KLHL33: variants seen among roughly 807,000 people sequenced by gnomAD.
KLHL33 encodes kelch-like protein 33.
KLHL33 carries 46 observed loss-of-function variants against 60.8 expected under a neutral mutation model. That is an observed-to-expected ratio of 0.76 (90% CI 0.60 to 0.97). KLHL33 has a LOEUF of 0.97. Ranked by LOEUF, KLHL33 falls within the 50% of genes least tolerant of loss-of-function variation. The pLI, the probability that KLHL33 is intolerant of heterozygous loss-of-function variation, is 0.00. For missense variants in KLHL33, 1,055 were observed against 1,000.0 expected (o/e 1.05, Z -0.74); for synonymous variants, 434 against 432.2 (o/e 1.00, Z -0.05).
Position 20,430,128 on chromosome 14 carries a change from G to A in KLHL33, c.1340C>T (p.Pro447Leu). The change falls in exon 3 of 5, where the codon CCC becomes CTC. Residue 447 changes from proline to leucine, a missense_variant. By Grantham distance (98) the Pro-to-Leu change is moderately conservative. Coordinates refer to ENST00000636854, the MANE Select transcript of KLHL33 (RefSeq NM_001365790.2). ...RRVRAAGLLP[P>L]LTPDLLHQLM... The stretch of plus-strand genomic sequence containing the variant: ...CTGGTGCAACAGATCTGGGGTCAGG[G>A]GTGGAAGTAGCCCGGCTGCCCGCAC... 1 of 1,551,624 alleles carries A rather than the reference G, an allele frequency of 6.4e-7. No individual in the cohort carries two copies. The highest frequency in any genetic ancestry group is 8.7e-7 in the Non-Finnish European group (1 of 1,146,992).
At chr14:20,431,204 G>C (rs1238219980) in intron 2 of KLHL33, among the ~76,000 whole-genome samples, 1 of 152,210 alleles carries the variant, frequency 6.6e-6, no homozygotes, top group East Asian at 1.9e-4. Flanking sequence ...AGCCAAGACT[G>C]TCAGCCATTC....
chr14:20,426,527 T>C lies in KLHL33; in HGVS notation c.*2322A>G, dbSNP rs1483555870. The C allele has an allele frequency of 1.4e-5, 1 of 69,540 alleles. No individual in the cohort carries two copies. The allele number at this position is 69,540 out of a possible 1,614,324, so 4.3% of individuals were successfully genotyped here. A position where few individuals can be genotyped will look rare whatever the true frequency, so the allele number is the denominator to read the frequency against. On this transcript the variant is annotated 3_prime_UTR_variant, in exon 5 of 5. Transcript: ENST00000636854. ...AAAAAAAAAAAAAGAAAAAGAAAATTGACAACAGGTGCTGGAGAGGATGTG... is the reference window on the plus strand; with the variant it reads ...AAAAAAAAAAAAAGAAAAAGAAAATCGACAACAGGTGCTGGAGAGGATGTG...
Position 20,429,508 on chromosome 14 carries a change from A to G in KLHL33, c.1835T>C (p.Val612Ala), listed in dbSNP as rs369968163. Residue 612 changes from valine (V) to alanine (A), a missense_variant, in exon 4 of 5, where the codon GTC becomes GCC. Val to Ala is a moderately conservative substitution (Grantham distance 64). Coordinates refer to ENST00000636854, the MANE Select transcript of KLHL33 (RefSeq NM_001365790.2). ...TGCCCCCTTGCCTGCTTACCTCCAG[A>G]CATTGAGCTCAGGGTTGTAGGTCTC... Reference protein sequence around the residue: ...SVETYNPELNVWRPAPALPAP... With the variant: ...SVETYNPELNAWRPAPALPAP... 1.9e-5 allele frequency: 30 copies of G among 1,552,188 alleles called. No individual in the cohort carries two copies. In the African/African-American group the frequency reaches 3.7e-4, roughly 19 times the overall value.
chr14:20,429,650 CCTCTTGA>C lies in KLHL33; in HGVS notation c.1686_1692del (p.Ser562ArgfsTer74). 6.4e-7 allele frequency: 1 copy of C among 1,551,772 alleles called. No homozygotes were observed. The highest frequency in any genetic ancestry group is 8.7e-7 in the Non-Finnish European group (1 of 1,146,988). ...GACAAAGGAGCCATCTCCTCCCAGT[CCTCTTGA>C]CTGGGCTCCCACCTGGACACAGTAG... On this transcript the variant is annotated frameshift_variant, in exon 4 of 5. Coordinates refer to ENST00000636854, the MANE Select transcript of KLHL33 (RefSeq NM_001365790.2). LOFTEE classifies it high-confidence loss of function.
chr14:20,430,392 C>A lies in KLHL33; in HGVS notation c.1076G>T (p.Arg359Leu). 6.4e-7 allele frequency: 1 copy of A among 1,551,788 alleles called. No individual in the cohort carries two copies. ...AGGCAGGTGGGTGAGGAGGTAGTGA[C>A]GGGCTTTGCTCCAGAGCCTCTCCAA... ...PGLERLWSKA[R>L]HYLLTHLPAV... Residue 359 changes from arginine to leucine, a missense_variant, in exon 3 of 5, where the codon CGT becomes CTT. By Grantham distance (102) the Arg-to-Leu change is moderately radical. Coordinates refer to ENST00000636854, the MANE Select transcript of KLHL33 (RefSeq NM_001365790.2).
At chr14:20,432,934 G>GAAAGAAAGAAAGAA (rs144530207) in intron 2 of KLHL33, among the ~76,000 whole-genome samples, 2 of 143,996 alleles carry the variant, frequency 1.4e-5, no homozygotes, top group South Asian at 4.5e-4. Flanking sequence ...AAAAAAGAAA[G>GAAAGAAAGAAAGAA]AAAGAAAGAA....
intron 2 of KLHL33, among the ~76,000 whole-genome samples, chr14:20,432,398 C>T (rs1283300921): frequency 6.6e-6 from 1 of 151,666 alleles, no homozygotes; most frequent in Non-Finnish European, 1.5e-5. Context: ...CAGGCGTGAG[C>T]CACTATGCCT....
At position 20,429,884 on chromosome 14, in the gene KLHL33, A is replaced by G; in HGVS notation, c.1584T>C (p.His528=). Residue 528 remains histidine, a synonymous_variant, in exon 3 of 5, where the codon CAT becomes CAC. Transcript: ENST00000636854. The stretch of plus-strand genomic sequence containing the variant: ...CACTTCCTGCCAGGCTTGCAGCCCC[A>G]TGCCGGAAGCGTCCGGGGGCAGGCA... The part of the protein sequence containing the change: ...PALPAPGRFR[H]GAASLAGSEL... 1 of 1,552,038 alleles carries G rather than the reference A, an allele frequency of 6.4e-7. No homozygotes were observed. Among genetic ancestry groups the G allele is most frequent in the African/African-American group, 1.4e-5 (1 of 73,178 alleles).
At position 20,426,511 on chromosome 14, in the gene KLHL33, A is replaced by AG. The variant is rs1880276542; in HGVS notation, c.*2337_*2338insC. On this transcript the variant is annotated 3_prime_UTR_variant, in exon 5 of 5. Transcript: ENST00000636854. ...CTCTGTCTCAAAAAAAAAAAAAAAA[A>AG]AAAGAAAAAGAAAATTGACAACAGG... is the stretch of plus-strand genomic sequence containing the variant. 6.7e-6 allele frequency: 1 copy of AG among 149,980 alleles called. No individual in the cohort carries two copies. Among genetic ancestry groups the AG allele is most frequent in the Admixed American group, 6.7e-5 (1 of 14,986 alleles). 9.3% of individuals were successfully genotyped at this position (149,980 alleles called of 1,614,324 possible).
intron 2 of KLHL33, among the ~76,000 whole-genome samples, chr14:20,434,562 C>T (rs1415300660): frequency 6.6e-6 from 1 of 150,412 alleles, no homozygotes; most frequent in African/African-American, 2.5e-5. Flanking sequence ...AAAAAAGTGC[C>T]ACGGCCTGGT....
rs1031143024 is a variant in KLHL33, at chr14:20,427,507, C to G, written c.*1342G>C. 1 of 152,162 alleles carries G rather than the reference C, an allele frequency of 6.6e-6. No individual in the cohort carries two copies. Among genetic ancestry groups the G allele is most frequent in the Non-Finnish European group, 1.5e-5 (1 of 68,038 alleles). The allele number at this position is 152,162 out of a possible 1,614,324, so 9.4% of individuals were successfully genotyped here. On this transcript the variant is annotated 3_prime_UTR_variant, in exon 5 of 5. Transcript: ENST00000636854. ...ACTTCTTTCTGTTTCAAATGCATTCCCCCTTCTCTAATGGGTGAGACTCTA... is the reference window on the plus strand; with the variant it reads ...ACTTCTTTCTGTTTCAAATGCATTCGCCCTTCTCTAATGGGTGAGACTCTA...
At chr14:20,432,986 G>GAAAGAAAGAAAGAA (rs1208142467) in intron 2 of KLHL33, among the ~76,000 whole-genome samples, 4 of 151,622 alleles carry the variant, frequency 2.6e-5, no homozygotes, top group Non-Finnish European at 2.9e-5. Context: ...AAGAAAGAAA[G>GAAAGAAAGAAAGAA]AGAGAAATTA....
intron 2 of KLHL33, among the ~76,000 whole-genome samples, chr14:20,432,871 G>A (rs942619746): frequency 5.4e-5 from 8 of 149,050 alleles, no homozygotes; most frequent in African/African-American, 1.7e-4. Flanking sequence ...GCAGTGAGCC[G>A]AGATCGTGCC....
In KLHL33 at chr14:20,435,103, A is replaced by T; in HGVS notation, c.709T>A (p.Cys237Ser). ...IELLYREGVG[C>S]DLKLEAGGCQ... ...CCGCCTGCCTCCAGCTTCAAGTCAC[A>T]CCCGACGCCCTCTCGGTAGAGGAGC... Residue 237 changes from cysteine (C) to serine (S), a missense_variant, in exon 2 of 5, where the codon TGT becomes AGT. Coordinates refer to ENST00000636854, the MANE Select transcript of KLHL33 (RefSeq NM_001365790.2). 8.1e-7 allele frequency: 1 copy of T among 1,234,214 alleles called. No individual in the cohort carries two copies. Among genetic ancestry groups the T allele is most frequent in the South Asian group, 4.1e-5 (1 of 24,380 alleles). 76.5% of individuals were successfully genotyped at this position (1,234,214 alleles called of 1,614,324 possible).
At position 20,430,051 on chromosome 14, in the gene KLHL33, G is replaced by A. The variant is rs369554825; in HGVS notation, c.1417C>T (p.Arg473Trp). 1.7e-5 allele frequency: 26 copies of A among 1,551,730 alleles called. 1 individual carries two copies. Among genetic ancestry groups the A allele is most frequent in the African/African-American group, 1.6e-4 (12 of 73,150 alleles). The part of the protein sequence containing the change: ...PGQERRREPD[R>W]ALVVIGGDGL... ...TCCCCGCCAATCACTACCAGTGCCC[G>A]GTCAGGCTCCCTCCGTCTCTCTTGG... Residue 473 changes from arginine to tryptophan, a missense_variant, in exon 3 of 5, where the codon CGG becomes TGG. Transcript: ENST00000636854.
chr14:20,431,768 CA>C (rs773600662), intron 2 of KLHL33, among the ~76,000 whole-genome samples: 18 of 152,110 alleles, frequency 1.2e-4, no homozygotes, highest in Non-Finnish European at 2.6e-4. Context: ...AGTTGGGTCC[CA>C]AAGAAAGCAT....
intron 2 of KLHL33, among the ~76,000 whole-genome samples, chr14:20,431,687 G>T (rs770963790): frequency 3.3e-5 from 5 of 152,186 alleles, no homozygotes; most frequent in Non-Finnish European, 7.3e-5. Flanking sequence ...AGACTGCGCC[G>T]CTGCACCCAG....
At position 20,435,408 on chromosome 14, in the gene KLHL33, C is replaced by T; in HGVS notation, c.404G>A (p.Ser135Asn). The T allele has an allele frequency of 8.1e-7, 1 of 1,234,402 alleles. No individual in the cohort carries two copies. Among genetic ancestry groups the T allele is most frequent in the Non-Finnish European group, 1.0e-6 (1 of 988,176 alleles). The allele number at this position is 1,234,402 out of a possible 1,614,324, so 76.5% of individuals were successfully genotyped here. ...CAGCAGCCTGTCTCGGAAGAGGCTG[C>T]TGATTGCGGCCAGGATCACCCGATG... is the stretch of plus-strand genomic sequence containing the variant. The part of the protein sequence containing the change: ...GVHRVILAAI[S>N]SLFRDRLLGG... Residue 135 changes from serine (S) to asparagine (N), a missense_variant, in exon 2 of 5, where the codon AGC becomes AAC. Ser to Asn is a conservative substitution (Grantham distance 46, BLOSUM62 1). Coordinates refer to ENST00000636854, the MANE Select transcript of KLHL33 (RefSeq NM_001365790.2).
rs372747847 is a variant in KLHL33, at chr14:20,429,612, G to C, written c.1731C>G (p.Ser577Arg). 1.3e-6 allele frequency: 2 copies of C among 1,551,774 alleles called. No homozygotes were observed. The highest frequency in any genetic ancestry group is 1.2e-5 in the South Asian group (1 of 84,042). ...CATCCAGTGCCACCAAGGAGAAAAG[G>C]CTTCGAGCCTGGGACAAAGGAGCCA... ...EEMAPLSQAR[S>R]LFSLVALDGK... The change falls in exon 4 of 5, where the codon AGC becomes AGG. Residue 577 changes from serine to arginine, a missense_variant. Coordinates refer to ENST00000636854, the MANE Select transcript of KLHL33 (RefSeq NM_001365790.2).
Sources: allele counts gnomAD v4.1 joint callset (sites outside exome capture counted in the v4.1 genomes callset), GRCh38; gene constraint gnomAD v4.1.1; transcripts MANE v1.5; gene names NCBI Gene and HGNC (gene_info 2026-07-23, HGNC 2026-07-21).